Variants in SOX5 observed in about 807,000 individuals in gnomAD.
SOX5 encodes SRY-box transcription factor 5, also known as transcription factor SOX-5.
SOX5 carries 9 observed loss-of-function variants against 92.0 expected under a neutral mutation model. That is an observed-to-expected ratio of 0.10 (90% CI 0.06 to 0.17). The LOEUF is 0.17. Among genes scored for constraint, SOX5 ranks in the 10% least tolerant of loss-of-function variants. The pLI, the probability that SOX5 is intolerant of heterozygous loss-of-function variation, is 1.00. For synonymous variants in SOX5, 344 were observed against 336.3 expected (o/e 1.02, Z -0.25); for missense variants, 642 against 944.5 (o/e 0.68, Z 4.20).
chr12:23,771,875 G>A (rs2094946135), intron 3 of SOX5, among the ~76,000 whole-genome samples: 1 of 152,116 alleles, frequency 6.6e-6, no homozygotes, highest in Non-Finnish European at 1.5e-5. Flanking sequence ...ATACAAAGAG[G>A]CTGCTTTAAC....
chr12:23,591,612 G>A (rs1293137096), intron 9 of SOX5, among the ~76,000 whole-genome samples: 2 of 152,102 alleles, frequency 1.3e-5, no homozygotes, highest in African/African-American at 2.4e-5. Flanking sequence ...AAACGACAGT[G>A]CTATTTGCAT....
chr12:23,603,488 G>A (rs1005133259), intron 9 of SOX5, among the ~76,000 whole-genome samples: 4 of 111,254 alleles, frequency 3.6e-5, no homozygotes, highest in Admixed American at 1.8e-4. Flanking sequence ...AACTAACTGC[G>A]TCAGCTTTCT....
chr12:23,813,578 T>C (rs140384343), intron 3 of SOX5, among the ~76,000 whole-genome samples: 67 of 152,336 alleles, frequency 4.4e-4, no homozygotes, highest in African/African-American at 1.6e-3. Context: ...GTATATGTTG[T>C]TCTATAATCA....
intron 6 of SOX5, among the ~76,000 whole-genome samples, chr12:23,723,580 A>ATATATG (rs1267481914): frequency 6.7e-6 from 1 of 149,394 alleles, no homozygotes. Context: ...ATATATATAT[A>ATATATG]TACACACACA....
At chr12:23,573,403 C>T (rs1233147294) in intron 10 of SOX5, among the ~76,000 whole-genome samples, 1 of 152,128 alleles carries the variant, frequency 6.6e-6, no homozygotes, top group African/African-American at 2.4e-5. Context: ...TCCTAAGGCT[C>T]TTATTCTTCA....
intron 1 of SOX5, among the ~76,000 whole-genome samples, chr12:23,922,759 T>A (rs1169882164): frequency 6.6e-6 from 1 of 152,218 alleles, no homozygotes; most frequent in African/African-American, 2.4e-5. Flanking sequence ...TCTGTAGTGT[T>A]GATATTGTGC....
At chr12:23,695,233 G>C (rs1484119903) in intron 6 of SOX5, among the ~76,000 whole-genome samples, 1 of 152,084 alleles carries the variant, frequency 6.6e-6, no homozygotes, top group African/African-American at 2.4e-5. Flanking sequence ...GTACTGATTA[G>C]CATAGCTTGA....
intron 4 of SOX5, among the ~76,000 whole-genome samples, chr12:24,097,407 T>C (rs1945557035): frequency 6.6e-6 from 1 of 152,152 alleles, no homozygotes; most frequent in African/African-American, 2.4e-5. Flanking sequence ...TTGATACTTG[T>C]GCACTTTTTG....
At chr12:23,674,698 G>A (rs528035453) in intron 6 of SOX5, among the ~76,000 whole-genome samples, 33 of 151,882 alleles carry the variant, frequency 2.2e-4, no homozygotes, top group African/African-American at 7.2e-4. Flanking sequence ...TTTATACCAA[G>A]GGTCGCATTT....
chr12:23,982,633 C>T (rs532726174), intron 4 of SOX5, among the ~76,000 whole-genome samples: 3 of 152,000 alleles, frequency 2.0e-5, no homozygotes, highest in South Asian at 4.1e-4. Context: ...CTAACTAACT[C>T]TTAAAGTAGA....
intron 2 of SOX5, among the ~76,000 whole-genome samples, chr12:24,323,099 T>C (rs879769117): frequency 5.9e-5 from 9 of 152,016 alleles, no homozygotes; most frequent in Non-Finnish European, 1.0e-4. Flanking sequence ...AAATGCATAA[T>C]CACAGAACCC....
At chr12:24,124,838 C>T (rs1008777511) in intron 4 of SOX5, among the ~76,000 whole-genome samples, 4 of 151,974 alleles carry the variant, frequency 2.6e-5, no homozygotes, top group African/African-American at 9.7e-5. Flanking sequence ...GAAGAATAAC[C>T]ATAAATACAT....
intron 1 of SOX5, among the ~76,000 whole-genome samples, chr12:24,534,260 C>T (rs1951440658): frequency 7.0e-6 from 1 of 143,788 alleles, no homozygotes; most frequent in Non-Finnish European, 1.5e-5. Context: ...CTTTTCTTTG[C>T]TTTTTTTTTT....
At chr12:24,285,784 T>A (rs975588775) in intron 2 of SOX5, among the ~76,000 whole-genome samples, 2 of 152,202 alleles carry the variant, frequency 1.3e-5, no homozygotes, top group Admixed American at 6.5e-5. Flanking sequence ...CAATGGCTCT[T>A]ACAAAATTAC....
chr12:24,236,086 G>A (rs1375556312), intron 3 of SOX5, among the ~76,000 whole-genome samples: 1 of 152,078 alleles, frequency 6.6e-6, no homozygotes, highest in Admixed American at 6.5e-5. Context: ...CAGCTACTTG[G>A]GAGGCTGAGG....
chr12:24,236,948 C>G (rs1004167632), intron 3 of SOX5, among the ~76,000 whole-genome samples: 1 of 152,004 alleles, frequency 6.6e-6, no homozygotes, highest in African/African-American at 2.4e-5. Context: ...CTCAGTGAAT[C>G]CTCTAGAAGC....
chr12:23,907,144 T>C (rs1477171875), intron 1 of SOX5, among the ~76,000 whole-genome samples: 1 of 152,108 alleles, frequency 6.6e-6, no homozygotes, highest in Non-Finnish European at 1.5e-5. Context: ...TTGGGAGGTG[T>C]CTGTGTCTTG....
chr12:24,189,718 TA>T (rs1169725572), intron 4 of SOX5, among the ~76,000 whole-genome samples: 3 of 152,226 alleles, frequency 2.0e-5, no homozygotes, highest in African/African-American at 7.2e-5. Flanking sequence ...ATTTTCTCAG[TA>T]AAGTCATATT....
chr12:24,137,555 C>A (rs1950215183), intron 4 of SOX5, among the ~76,000 whole-genome samples: 1 of 152,114 alleles, frequency 6.6e-6, no homozygotes, highest in Non-Finnish European at 1.5e-5. Flanking sequence ...ACACTTGAAC[C>A]CTGGAGATGG....
Sources: allele counts gnomAD v4.1 joint callset (sites outside exome capture counted in the v4.1 genomes callset), GRCh38; gene constraint gnomAD v4.1.1; transcripts MANE v1.5; gene names NCBI Gene and HGNC (gene_info 2026-07-23, HGNC 2026-07-21).